Variants in FBRSL1 observed in about 807,000 individuals in gnomAD.
The protein encoded by FBRSL1 is fibrosin-1-like protein.
A neutral mutation model predicts 89.6 loss-of-function variants in FBRSL1; 51 were observed. The ratio of observed to expected loss-of-function variants is 0.57; its 90% CI spans 0.45 to 0.72. FBRSL1 has a LOEUF of 0.72. FBRSL1 is among the 30% of genes least tolerant of loss of function. The pLI is 0.00. For synonymous variants in FBRSL1, 779 were observed against 681.1 expected (o/e 1.14, Z -2.24); for missense variants, 1,618 against 1,451.8 (o/e 1.11, Z -1.86).
chr12:132,509,645 C>T, intron 2 of FBRSL1: 4 of 1,231,798 alleles, frequency 3.2e-6, no homozygotes, highest in Non-Finnish European at 4.0e-6. Context: ...ACTGCCGGCG[C>T]CTGCGGTTCC....
chr12:132,583,721 G>A lies in FBRSL1; in HGVS notation c.2952G>A (p.Pro984=). Residue 984 remains proline (P), a synonymous_variant, in exon 19 of 19, where the codon CCG becomes CCA. Transcript: ENST00000680143. The part of the protein sequence containing the change: ...SRTTPLGGLG[P]GEARDYSPSR... Reference sequence around the variant, plus strand: ...CTACTCCGCTGGGGGGCCTCGGGCCGGGCGAGGCGCGCGACTACTCCCCGT... The same window carrying A: ...CTACTCCGCTGGGGGGCCTCGGGCCAGGCGAGGCGCGCGACTACTCCCCGT... 2 of 1,210,656 alleles carry A rather than the reference G, an allele frequency of 1.7e-6. No homozygotes were observed. The highest frequency in any genetic ancestry group is 2.1e-6 in the Non-Finnish European group (2 of 974,400). 75.0% of individuals were successfully genotyped at this position (1,210,656 alleles called of 1,614,324 possible). A position where few individuals can be genotyped will look rare whatever the true frequency, so the allele number is the denominator to read the frequency against.
rs966189353 is a variant in FBRSL1, at chr12:132,508,137, C to T, written c.292-16C>T. On this transcript the variant is annotated splice_polypyrimidine_tract_variant and intron_variant, in intron 1 of 18. Transcript: ENST00000680143. ...GGGTCCCGCCAATTAACTGGCGTTT[C>T]CCTGTCTCCCTGCAGAAGGATATGG... The T allele has an allele frequency of 2.6e-6, 4 of 1,550,526 alleles. No individual in the cohort carries two copies. The highest frequency in any genetic ancestry group is 1.7e-4 in the Middle Eastern group (1 of 6,004).
chr12:132,490,196 G>T lies in FBRSL1; in HGVS notation c.-375G>T. ...GGCGCCGCCGCCGCCTCACGAGCCC[G>T]GTGCCCAGGAGCCCGGCCGCCTCCC... On this transcript the variant is annotated 5_prime_UTR_variant, in exon 1 of 19. Coordinates refer to ENST00000680143, the MANE Select transcript of FBRSL1 (RefSeq NM_001367871.1). The T allele has an allele frequency of 2.7e-5, 1 of 37,690 alleles. No individual in the cohort carries two copies. The highest frequency in any genetic ancestry group is 7.9e-4 in the South Asian group (1 of 1,266). 2.3% of individuals were successfully genotyped at this position (37,690 alleles called of 1,614,324 possible).
At chr12:132,582,031 C>T in intron 17 of FBRSL1, 31 bp from the exon 18 acceptor site, 1 of 1,514,838 alleles carries the variant, frequency 6.6e-7, no homozygotes, top group Non-Finnish European at 8.9e-7. Context: ...CAGACAGACC[C>T]AACCTCATGC....
In FBRSL1 at chr12:132,490,635, A is replaced by G. The variant is rs2030681135; in HGVS notation, c.65A>G (p.Glu22Gly). ...CAGCGGGACCGTGGCCGGCGCCGGG[A>G]GGCCGCCCGCGACGCCCGCGCCCAG... ...RAQRDRGRRREAARDARAQSP... is the reference protein window; with the variant it reads ...RAQRDRGRRRGAARDARAQSP... The change falls in exon 1 of 19, where the codon GAG becomes GGG. Residue 22 changes from glutamate to glycine, a missense_variant. Coordinates refer to ENST00000680143, the MANE Select transcript of FBRSL1 (RefSeq NM_001367871.1). 1.0e-6 allele frequency: 1 copy of G among 982,870 alleles called. No individual in the cohort carries two copies. Among genetic ancestry groups the G allele is most frequent in the Non-Finnish European group, 1.2e-6 (1 of 829,992 alleles). 60.9% of individuals were successfully genotyped at this position (982,870 alleles called of 1,614,324 possible). A position where few individuals can be genotyped will look rare whatever the true frequency, so the allele number is the denominator to read the frequency against.
At chr12:132,565,567 CCGTGTGTGT>C (rs1241719508) in intron 5 of FBRSL1, 8 of 152,274 alleles carry the variant, frequency 5.3e-5, no homozygotes, top group East Asian at 1.9e-4. Context: ...GTTCATGTAT[CCGTGTGTGT>C]ACGTACCCGA....
rs964580757 is a variant in FBRSL1, at chr12:132,571,601, C to T, written c.1377+370C>T. ...CACGCAGCAGGCACACACAGACACA[C>T]GCTCGCACACACACCAGCCCAGGAG... On this transcript the variant is annotated intron_variant, in intron 9 of 18. Coordinates refer to ENST00000680143, the MANE Select transcript of FBRSL1 (RefSeq NM_001367871.1). 33 of 1,021,260 alleles carry T rather than the reference C, an allele frequency of 3.2e-5. No individual in the cohort carries two copies. The East Asian group carries it at 1.1e-3, about 34-fold the overall frequency. 63.3% of individuals were successfully genotyped at this position (1,021,260 alleles called of 1,614,324 possible). A position where few individuals can be genotyped will look rare whatever the true frequency, so the allele number is the denominator to read the frequency against.
At chr12:132,525,626 C>T (rs1593342532) in intron 2 of FBRSL1, 108 bp from the exon 3 acceptor site, 1 of 876,960 alleles carries the variant, frequency 1.1e-6, no homozygotes, top group East Asian at 2.7e-5. Context: ...GCGCCTGGGG[C>T]CGGGGTGCTG....
At chr12:132,492,630 C>G (rs1248565656) in intron 1 of FBRSL1, among the ~76,000 whole-genome samples, 1 of 152,246 alleles carries the variant, frequency 6.6e-6, no homozygotes, top group African/African-American at 2.4e-5. Context: ...GACTGGCTGT[C>G]CACCTGCTCT....
At chr12:132,547,276 C>T (rs112230093) in intron 4 of FBRSL1, among the ~76,000 whole-genome samples, 4 of 149,172 alleles carry the variant, frequency 2.7e-5, no homozygotes, top group East Asian at 2.0e-4. Context: ...GTGTGTTCTT[C>T]GTAGGGCTCT....
At chr12:132,568,938 T>G (rs1593541198) in intron 6 of FBRSL1, among the ~76,000 whole-genome samples, 1 of 151,846 alleles carries the variant, frequency 6.6e-6, no homozygotes, top group African/African-American at 2.4e-5. Context: ...CATGGTCACA[T>G]GGGGCAGGGA....
At position 132,490,688 on chromosome 12, in the gene FBRSL1, C is replaced by T. The variant is rs1426270754; in HGVS notation, c.118C>T (p.Pro40Ser). 5 of 998,622 alleles carry T rather than the reference C, an allele frequency of 5.0e-6. No homozygotes were observed. The highest frequency in any genetic ancestry group is 3.9e-5 in the South Asian group (1 of 25,540). The allele number at this position is 998,622 out of a possible 1,614,324, so 61.9% of individuals were successfully genotyped here. ...TCCGTCGTCGGGCGACGAGCCCGAG[C>T]CCAGCCCCGGCAAGGAGAACGCGGG... The part of the protein sequence containing the change: ...QSPSSGDEPE[P>S]SPGKENAGLR... Residue 40 changes from proline (P) to serine (S), a missense_variant, in exon 1 of 19, where the codon CCC becomes TCC. Pro to Ser is a moderately conservative substitution (Grantham distance 74, BLOSUM62 -1). Coordinates refer to ENST00000680143, the MANE Select transcript of FBRSL1 (RefSeq NM_001367871.1).
chr12:132,544,519 C>T (rs1212416822), intron 4 of FBRSL1, among the ~76,000 whole-genome samples: 1 of 152,176 alleles, frequency 6.6e-6, no homozygotes, highest in African/African-American at 2.4e-5. Flanking sequence ...TCTTCTCGTT[C>T]TTGGCTTTGT....
At chr12:132,511,643 G>A (rs1329259165) in intron 2 of FBRSL1, 3 of 985,450 alleles carry the variant, frequency 3.0e-6, no homozygotes, top group African/African-American at 1.7e-5. Flanking sequence ...CTCTGGTCCT[G>A]CAGGCCTGGT....
intron 1 of FBRSL1, among the ~76,000 whole-genome samples, chr12:132,501,317 C>T (rs928905709): frequency 4.6e-5 from 7 of 152,342 alleles, no homozygotes; most frequent in South Asian, 2.1e-4. Flanking sequence ...CTGTGGTCCT[C>T]GCGCCCCAGG....
intron 4 of FBRSL1, among the ~76,000 whole-genome samples, chr12:132,545,700 G>A (rs1338148132): frequency 6.6e-6 from 1 of 152,232 alleles, no homozygotes; most frequent in East Asian, 1.9e-4. Context: ...GGATCTGGGT[G>A]CGGGGATAAG....
chr12:132,549,759 A>G (rs543622561), intron 5 of FBRSL1, among the ~76,000 whole-genome samples: 4 of 152,140 alleles, frequency 2.6e-5, no homozygotes, highest in Non-Finnish European at 4.4e-5. Flanking sequence ...CACGCCCCCC[A>G]TGTCCAGCAA....
chr12:132,581,064 T>C (rs573715846), intron 15 of FBRSL1: 48 of 985,438 alleles, frequency 4.9e-5, no homozygotes, highest in Non-Finnish European at 5.7e-5. Context: ...GGACCATCTA[T>C]CAGCTCCCAG....
intron 5 of FBRSL1, among the ~76,000 whole-genome samples, chr12:132,561,704 CCGGGA>C (rs2039142268): frequency 6.6e-6 from 1 of 152,168 alleles, no homozygotes. Context: ...CCACTCAAAC[CCGGGA>C]CGCCAGCCAA....
Sources: allele counts gnomAD v4.1 joint callset (sites outside exome capture counted in the v4.1 genomes callset), GRCh38; gene constraint gnomAD v4.1.1; transcripts MANE v1.5; gene names NCBI Gene and HGNC (gene_info 2026-07-23, HGNC 2026-07-21).